The following TRAP1 variants were observed in gnomAD, a reference collection of about 807,000 sequenced individuals.
TRAP1 encodes TNF receptor associated protein 1, also known as heat shock protein 75 kDa, mitochondrial.
TRAP1 carries 102 observed loss-of-function variants against 89.1 expected under a neutral mutation model. That is an observed-to-expected ratio of 1.15 (90% CI 0.98 to 1.35). The LOEUF is 1.35. TRAP1 is among the 40% of genes most tolerant of loss of function. The pLI is 0.00. For synonymous variants in TRAP1, 508 were observed against 388.0 expected, an observed-to-expected ratio of 1.31 and a Z score of -3.64; for missense variants, 1,256 against 945.3, an observed-to-expected ratio of 1.33 and a Z score of -4.31.
At chr16:3,678,345 A>G (rs955156333) in intron 5 of TRAP1, 2 of 152,198 alleles carry the variant, frequency 1.3e-5, no homozygotes, top group African/African-American at 2.4e-5. Context: ...TTACATTTAA[A>G]CTGCCACATG....
chr16:3,662,342 T>TCCA (rs1293496725), intron 15 of TRAP1: 19 of 643,768 alleles, frequency 3.0e-5, no homozygotes, highest in Admixed American at 2.7e-4. Flanking sequence ...CCCGAGGGGC[T>TCCA]CCACCACCCT....
intron 17 of TRAP1, chr16:3,658,550 G>A (rs2042860744): frequency 3.5e-6 from 2 of 576,850 alleles, no homozygotes; most frequent in Non-Finnish European, 6.2e-6. Flanking sequence ...GCGCATGCCT[G>A]TAGTCCCAGC....
chr16:3,683,629 G>A (rs904685670), intron 4 of TRAP1, among the ~76,000 whole-genome samples: 28 of 151,606 alleles, frequency 1.8e-4, no homozygotes, highest in African/African-American at 4.1e-4. Context: ...CAGGTGATCC[G>A]CCCACCTTGG....
chr16:3,692,043 C>T (rs377222839), intron 1 of TRAP1, among the ~76,000 whole-genome samples: 12 of 152,300 alleles, frequency 7.9e-5, no homozygotes, highest in East Asian at 3.9e-4. Flanking sequence ...ACCCCAGGGA[C>T]CACATACCAG....
At chr16:3,668,596 G>A (rs1488904430) in intron 11 of TRAP1, among the ~76,000 whole-genome samples, 1 of 152,150 alleles carries the variant, frequency 6.6e-6, no homozygotes, top group Non-Finnish European at 1.5e-5. Context: ...TCTTTCAAAA[G>A]CTCTAATTTC....
intron 4 of TRAP1, among the ~76,000 whole-genome samples, chr16:3,682,439 G>A (rs1009246130): frequency 2.6e-5 from 4 of 151,688 alleles, no homozygotes; most frequent in African/African-American, 9.7e-5. Context: ...TAGAGTGCTG[G>A]AGTGCAGTGG....
intron 1 of TRAP1, among the ~76,000 whole-genome samples, chr16:3,694,205 C>A (rs2051256177): frequency 1.3e-5 from 2 of 152,014 alleles, no homozygotes; most frequent in African/African-American, 4.8e-5. Flanking sequence ...TCCAGATTTC[C>A]CTCTTCTTAT....
At chr16:3,678,590 A>C (rs1476899546) in intron 5 of TRAP1, 1 of 152,224 alleles carries the variant, frequency 6.6e-6, no homozygotes, top group Non-Finnish European at 1.5e-5. Context: ...CAGCCTCCCG[A>C]GTAGCTGGGA....
At chr16:3,693,148 C>G (rs764617371) in intron 1 of TRAP1, among the ~76,000 whole-genome samples, 6 of 151,744 alleles carry the variant, frequency 4.0e-5, no homozygotes, top group Non-Finnish European at 5.9e-5. Flanking sequence ...GAGGTTTCAC[C>G]TTATTGGTCA....
intron 15 of TRAP1, 136 bp downstream of exon 15, chr16:3,662,746 G>A: frequency 1.2e-6 from 1 of 805,616 alleles, no homozygotes; most frequent in Non-Finnish European, 2.1e-6. Context: ...GGGACCCACA[G>A]GGTCTCCACC....
intron 13 of TRAP1, chr16:3,664,064 A>G (rs2050762528): frequency 9.1e-6 from 5 of 550,016 alleles, no homozygotes; most frequent in African/African-American, 1.9e-5. Context: ...CTCCATCTCA[A>G]AAAAACAAAA....
At position 3,662,106 on chromosome 16, in the gene TRAP1, A is replaced by G; in HGVS notation, c.1821T>C (p.Pro607=). Residue 607 remains proline (P), a synonymous_variant, in exon 16 of 18, where the codon CCT becomes CCC. Coordinates refer to ENST00000246957, the MANE Select transcript of TRAP1 (RefSeq NM_016292.3). ...CCATCTCCAGCACGGTGACCATGGCAGGGTGGGTGTCCAGTCGGAGGGTCA... is the reference window on the plus strand; with the variant it reads ...CCATCTCCAGCACGGTGACCATGGCGGGGTGGGTGTCCAGTCGGAGGGTCA... The part of the protein sequence containing the change: ...VKVTLRLDTH[P]AMVTVLEMGA... 6.2e-7 allele frequency: 1 copy of G among 1,613,026 alleles called. No homozygotes were observed. The highest frequency in any genetic ancestry group is 8.5e-7 in the Non-Finnish European group (1 of 1,179,734).
chr16:3,679,897 A>T, intron 4 of TRAP1, 107 bp from the exon 5 acceptor site: 1 of 1,039,856 alleles, frequency 9.6e-7, no homozygotes, highest in Non-Finnish European at 1.5e-6. Flanking sequence ...TTGGCCAGAC[A>T]GGGCCCAGCC....
At chr16:3,661,438 C>T (rs1024401256) in intron 16 of TRAP1, 3 of 152,252 alleles carry the variant, frequency 2.0e-5, no homozygotes, top group Non-Finnish European at 2.9e-5. Flanking sequence ...CAGAGAAACC[C>T]ACACAAGCCC....
At chr16:3,710,317 G>C (rs978056876) in intron 1 of TRAP1, 1 of 152,206 alleles carries the variant, frequency 6.6e-6, no homozygotes, top group African/African-American at 2.4e-5. Context: ...GGAAAGGAGA[G>C]AACAGGGCTC....
At chr16:3,695,325 C>T (rs750450843) in intron 1 of TRAP1, among the ~76,000 whole-genome samples, 43 of 152,064 alleles carry the variant, frequency 2.8e-4, no homozygotes, top group Non-Finnish European at 2.9e-5. Context: ...CCACATACAT[C>T]TTTTCGTATG....
intron 1 of TRAP1, among the ~76,000 whole-genome samples, chr16:3,691,682 CA>C (rs1326845452): frequency 6.6e-6 from 1 of 152,190 alleles, no homozygotes; most frequent in African/African-American, 2.4e-5. Flanking sequence ...AAAATCCTCC[CA>C]AAAGGGATCC....
intron 16 of TRAP1, chr16:3,661,764 G>T: frequency 2.2e-6 from 1 of 446,724 alleles, no homozygotes; most frequent in Non-Finnish European, 3.8e-6. Context: ...GTCACAGGCT[G>T]GGATGTGGCT....
rs1322238521 is a variant in TRAP1 at position 3,664,390 on chromosome 16, C to G, written c.1453G>C (p.Glu485Gln). Residue 485 changes from glutamate (E) to glutamine (Q), a missense_variant, in exon 13 of 18, where the codon GAA becomes CAA. Physicochemically the swap from Glu to Gln is conservative, Grantham distance 29 (BLOSUM62 2). Coordinates refer to ENST00000246957, the MANE Select transcript of TRAP1 (RefSeq NM_016292.3). ...LPSGQLTSLS[E>Q]YASRMRAGTR... The stretch of plus-strand genomic sequence containing the variant: ...CCGGCCCGCATGCGGCTGGCGTATT[C>G]TGAGAGGCTGGTTAGCTGCCCGGAG... The G allele has an allele frequency of 1.2e-6, 2 of 1,612,494 alleles. No homozygotes were observed. Among genetic ancestry groups the G allele is most frequent in the East Asian group, 2.2e-5 (1 of 44,842 alleles).
Sources: gnomAD v4.1 joint callset for allele counts (sites outside exome capture counted in the v4.1 genomes callset) on GRCh38, gnomAD v4.1.1 for gene constraint, MANE v1.5 for transcripts, NCBI Gene and HGNC (gene_info 2026-07-23, HGNC 2026-07-21) for gene names.